The following UNK variants were observed in gnomAD, a reference collection of about 807,000 sequenced individuals.
UNK encodes unk zinc finger, also known as RING finger protein unkempt homolog.
Under a neutral mutation model 97.6 loss-of-function variants are expected in UNK, and 32 were observed. The ratio of observed to expected loss-of-function variants is 0.33; its 90% CI spans 0.25 to 0.44. The LOEUF is 0.44. Ranked by LOEUF, UNK falls within the 20% of genes least tolerant of loss-of-function variation. UNK has a pLI of 1.00. For missense variants in UNK, 771 were observed against 1,098.4 expected, an observed-to-expected ratio of 0.70 and a Z score of 4.21; for synonymous variants, 441 against 461.2, an observed-to-expected ratio of 0.96 and a Z score of 0.56.
At chr17:75,788,953 C>G (rs1240798853) in intron 1 of UNK, among the ~76,000 whole-genome samples, 1 of 152,250 alleles carries the variant, frequency 6.6e-6, no homozygotes, top group Non-Finnish European at 1.5e-5. Context: ...TTGGCAAACA[C>G]AGTTGAATAC....
Position 75,817,181 on chromosome 17 carries a change from G to T in UNK, c.1105-145G>T, listed in dbSNP as rs1175733220. ...CTCCCCTTTCCTTCGTGAGCTTCGG[G>T]CTCCCCGAGTGGTCACTGCTGCTCG... On this transcript the variant is annotated intron_variant, in intron 8 of 15. Coordinates refer to ENST00000589666, the MANE Select transcript of UNK (RefSeq NM_001080419.3). This position sits in a 1 kb window ranked among gnomAD's most constrained non-coding sequence, Gnocchi z 5.8. 1.9e-6 allele frequency: 2 copies of T among 1,070,186 alleles called. No homozygotes were observed. Among genetic ancestry groups the T allele is most frequent in the Non-Finnish European group, 1.3e-6 (1 of 765,698 alleles). The allele number at this position is 1,070,186 out of a possible 1,614,324, so 66.3% of individuals were successfully genotyped here.
Position 75,819,990 on chromosome 17 carries a change from C to T in UNK, c.1719C>T (p.His573=), listed in dbSNP as rs761285794. 2.5e-6 allele frequency: 4 copies of T among 1,613,846 alleles called. No homozygotes were observed. The East Asian group carries it at 6.7e-5, about 27-fold the overall frequency. ...CCTTGGGCAGCTCTGCCTCCTTCCA[C>T]TCAGCATCCCCGTCCCCTCCCGTCA... is the stretch of plus-strand genomic sequence containing the variant. The part of the protein sequence containing the change: ...PGSLGSSASF[H]SASPSPPVSL... The change falls in exon 13 of 16, where the codon CAC becomes CAT. Residue 573 remains histidine, a synonymous_variant. Coordinates refer to ENST00000589666, the MANE Select transcript of UNK (RefSeq NM_001080419.3). The surrounding 1 kb of genome is among the most constrained non-coding windows in gnomAD (Gnocchi z 5.4).
intron 1 of UNK, among the ~76,000 whole-genome samples, chr17:75,805,809 A>ATGTGTGTGTGT (rs1567800919): frequency 6.1e-4 from 59 of 96,526 alleles, no homozygotes; most frequent in African/African-American, 3.6e-3. Flanking sequence ...TAAAAAGAAA[A>ATGTGTGTGTGT]ATGTGTGTGT....
In UNK at chr17:75,824,349, G is replaced by C. The variant is rs1213240557; in HGVS notation, c.2365G>C (p.Glu789Gln). The change falls in exon 16 of 16, where the codon GAG becomes CAG. Residue 789 changes from glutamate (E) to glutamine (Q), a missense_variant. Glu to Gln is a conservative substitution (Grantham distance 29). Coordinates refer to ENST00000589666, the MANE Select transcript of UNK (RefSeq NM_001080419.3). The surrounding 1 kb of genome is among the most constrained non-coding windows in gnomAD (Gnocchi z 4.9). ...GCCGTGCCAACACGCTGCGCTGTGT[G>C]AGCTCTGCGCTGAGGGCAGCGAGTG... The part of the protein sequence containing the change: ...VLPCQHAALC[E>Q]LCAEGSECPI... 2 of 1,599,172 alleles carry C rather than the reference G, an allele frequency of 1.3e-6. No individual in the cohort carries two copies. The highest frequency in any genetic ancestry group is 3.4e-5 in the Admixed American group (2 of 58,930).
At chr17:75,785,303 G>C (rs2061698704) in intron 1 of UNK, 1 of 279,450 alleles carries the variant, frequency 3.6e-6, no homozygotes, top group Non-Finnish European at 6.8e-6. Flanking sequence ...CACAGTAGTA[G>C]GCTCCTTTGG....
chr17:75,823,416 C>G lies in UNK; in HGVS notation c.2171C>G (p.Pro724Arg). Residue 724 changes from proline (P) to arginine (R), a missense_variant, in exon 15 of 16, where the codon CCT becomes CGT. Physicochemically the swap from Pro to Arg is moderately radical, Grantham distance 103. This residue lies in a region of UNK where 208 missense variants were observed against 257.4 expected (regional missense o/e 0.81). Transcript: ENST00000589666. Reference sequence around the variant, plus strand: ...GAGCTGGAGCGGCTACACGCGGGGCCTGAGCCCCAGGCCCTGCCCGCCTTC... The same window carrying G: ...GAGCTGGAGCGGCTACACGCGGGGCGTGAGCCCCAGGCCCTGCCCGCCTTC... ...QEELERLHAG[P>R]EPQALPAFSD... 1 of 1,600,798 alleles carries G rather than the reference C, an allele frequency of 6.2e-7. No individual in the cohort carries two copies. Among genetic ancestry groups the G allele is most frequent in the Non-Finnish European group, 8.5e-7 (1 of 1,173,248 alleles).
At chr17:75,806,230 C>T (rs1355785296) in intron 1 of UNK, among the ~76,000 whole-genome samples, 2 of 151,598 alleles carry the variant, frequency 1.3e-5, no homozygotes, top group Admixed American at 6.6e-5. Flanking sequence ...CCGAGGCGGG[C>T]GGATCGCAAG....
chr17:75,810,205 G>T (rs543940358), intron 2 of UNK, among the ~76,000 whole-genome samples: 1 of 152,302 alleles, frequency 6.6e-6, no homozygotes, highest in Non-Finnish European at 1.5e-5. Context: ...AAGCCTAAGG[G>T]CCCACATCTG....
At chr17:75,799,049 G>A (rs1446346675) in intron 1 of UNK, among the ~76,000 whole-genome samples, 1 of 151,656 alleles carries the variant, frequency 6.6e-6, no homozygotes, top group East Asian at 1.9e-4. Flanking sequence ...CTGGGCGATA[G>A]TGCGAGACTC....
At chr17:75,785,476 C>G (rs975093131) in intron 1 of UNK, 1 of 153,224 alleles carries the variant, frequency 6.5e-6, no homozygotes, top group African/African-American at 2.4e-5. Flanking sequence ...CCACGAGGGC[C>G]ACACTTGCTT....
intron 1 of UNK, among the ~76,000 whole-genome samples, chr17:75,789,735 T>A (rs1194093272): frequency 1.3e-5 from 2 of 152,158 alleles, no homozygotes; most frequent in Non-Finnish European, 2.9e-5. Flanking sequence ...TTGGAAGAGT[T>A]TTATAAAAAC....
intron 1 of UNK, among the ~76,000 whole-genome samples, chr17:75,789,438 G>A (rs1468920553): frequency 1.3e-5 from 2 of 151,924 alleles, no homozygotes; most frequent in East Asian, 1.9e-4. Flanking sequence ...CTGGGTTCAC[G>A]GCATTCTTCT....
At chr17:75,789,587 C>G (rs530312315) in intron 1 of UNK, among the ~76,000 whole-genome samples, 1 of 152,150 alleles carries the variant, frequency 6.6e-6, no homozygotes, top group Non-Finnish European at 1.5e-5. Context: ...CTGCCCGTCT[C>G]GGCCTCCCAA....
At chr17:75,803,640 CAT>C (rs928638699) in intron 1 of UNK, among the ~76,000 whole-genome samples, 1 of 152,128 alleles carries the variant, frequency 6.6e-6, no homozygotes, top group Non-Finnish European at 1.5e-5. Flanking sequence ...CTTAATTTAT[CAT>C]GTGTTATTGA....
chr17:75,824,489 A>AAG lies in UNK; in HGVS notation c.*73_*74insGA. 1 of 837,158 alleles carries AAG rather than the reference A, an allele frequency of 1.2e-6. No individual in the cohort carries two copies. Among genetic ancestry groups the AAG allele is most frequent in the East Asian group, 4.1e-5 (1 of 24,490 alleles). The allele number at this position is 837,158 out of a possible 1,614,324, so 51.9% of individuals were successfully genotyped here. A position where few individuals can be genotyped will look rare whatever the true frequency, so the allele number is the denominator to read the frequency against. ...TTTTTAAAGTATATATATATATATGAATATATATATATATGTGTATGTATG... is the reference window on the plus strand; with the variant it reads ...TTTTTAAAGTATATATATATATATGAAGATATATATATATATGTGTATGTATG... On this transcript the variant is annotated 3_prime_UTR_variant, in exon 16 of 16. Transcript: ENST00000589666. The surrounding 1 kb of genome is among the most constrained non-coding windows in gnomAD (Gnocchi z 4.9).
At chr17:75,793,029 G>T (rs186435508) in intron 1 of UNK, among the ~76,000 whole-genome samples, 3 of 152,160 alleles carry the variant, frequency 2.0e-5, no homozygotes, top group African/African-American at 7.2e-5. Context: ...GTTGAATGCC[G>T]CCATGTTATA....
Position 75,817,184 on chromosome 17 carries a change from C to T in UNK, c.1105-142C>T, listed in dbSNP as rs1363350867. ...CCCTTTCCTTCGTGAGCTTCGGGCT[C>T]CCCGAGTGGTCACTGCTGCTCGTTG... On this transcript the variant is annotated intron_variant, in intron 8 of 15. Transcript: ENST00000589666. The surrounding 1 kb of genome is among the most constrained non-coding windows in gnomAD (Gnocchi z 5.8). The T allele has an allele frequency of 1.8e-5, 20 of 1,081,442 alleles. No individual in the cohort carries two copies. The highest frequency in any genetic ancestry group is 2.6e-5 in the Non-Finnish European group (20 of 774,210). 67.0% of individuals were successfully genotyped at this position (1,081,442 alleles called of 1,614,324 possible).
chr17:75,807,146 C>T (rs1411033846), intron 1 of UNK, among the ~76,000 whole-genome samples: 1 of 152,232 alleles, frequency 6.6e-6, no homozygotes, highest in Non-Finnish European at 1.5e-5. Flanking sequence ...GGTTTCTCCT[C>T]CTGCCTCCCT....
chr17:75,802,242 CTTTTTTTTTTTTTTTTT>C (rs56221993), intron 1 of UNK, among the ~76,000 whole-genome samples: 12 of 47,262 alleles, frequency 2.5e-4, no homozygotes, highest in Admixed American at 2.0e-3. Context: ...GCACAGATGT[CTTTTTTTTTTTTTTTTT>C]TTTTTTTTTT....
Sources: allele counts gnomAD v4.1 joint callset (sites outside exome capture counted in the v4.1 genomes callset), GRCh38; gene constraint gnomAD v4.1.1; regional missense constraint gnomAD v4.1.1; non-coding constraint Gnocchi (gnomAD v3.1); transcripts MANE v1.5; gene names NCBI Gene and HGNC (gene_info 2026-07-23, HGNC 2026-07-21).